Variants in SWAP70 observed in about 807,000 individuals in gnomAD.
The protein encoded by SWAP70 is switching B cell complex subunit SWAP70, also known as switch-associated protein 70.
A neutral mutation model predicts 80.2 loss-of-function variants in SWAP70; 34 were observed. The ratio of observed to expected loss-of-function variants is 0.42; its 90% CI spans 0.32 to 0.56. The LOEUF (loss-of-function observed/expected upper bound fraction) is 0.56. SWAP70 is among the 20% of genes least tolerant of loss of function. The pLI, the probability that SWAP70 is intolerant of heterozygous loss-of-function variation, is 0.09. For synonymous variants in SWAP70, 239 were observed against 238.5 expected (o/e 1.00, Z -0.02); for missense variants, 578 against 690.7 (o/e 0.84, Z 1.83).
intron 3 of SWAP70, among the ~76,000 whole-genome samples, chr11:9,714,308 G>A (rs1453706591): frequency 6.6e-6 from 1 of 152,084 alleles, no homozygotes; most frequent in East Asian, 1.9e-4. Context: ...CCTTAACCTT[G>A]GACAAATTAT....
rs1851251183 is a variant in SWAP70 at position 9,728,197 on chromosome 11, G to C, written c.787G>C (p.Glu263Gln). The C allele has an allele frequency of 1.4e-5, 22 of 1,605,212 alleles. No individual in the cohort carries two copies. Among genetic ancestry groups the C allele is most frequent in the Non-Finnish European group, 1.9e-5 (22 of 1,177,008 alleles). Residue 263 changes from glutamate to glutamine, a missense_variant and splice_region_variant, in exon 5 of 12, where the codon GAG (glutamate) becomes CAG (glutamine). Transcript: ENST00000318950. ...TCTCTTGGATGAAAATTGCTGTGTA[G>C]AGGTGAGTCTACTCTTACTTCTTTG... ...DILLDENCCV[E>Q]SLPDKDGKKC...
intron 1 of SWAP70, among the ~76,000 whole-genome samples, chr11:9,684,290 C>T (rs767214490): frequency 5.3e-5 from 8 of 152,084 alleles, no homozygotes; most frequent in African/African-American, 1.2e-4. Flanking sequence ...TTATGTTGCC[C>T]GGGCTGGTCC....
intron 1 of SWAP70, among the ~76,000 whole-genome samples, chr11:9,682,239 A>T (rs528397902): frequency 4.6e-5 from 7 of 152,300 alleles, no homozygotes; most frequent in African/African-American, 1.7e-4. Flanking sequence ...CCTGAAGGTG[A>T]CAGAGCGGCT....
At chr11:9,678,163 G>C (rs1850523876) in intron 1 of SWAP70, among the ~76,000 whole-genome samples, 1 of 152,136 alleles carries the variant, frequency 6.6e-6, no homozygotes, top group Non-Finnish European at 1.5e-5. Context: ...TTGTGTTTCT[G>C]CTAACCTCTA....
intron 1 of SWAP70, among the ~76,000 whole-genome samples, chr11:9,669,914 G>A (rs1455841885): frequency 1.3e-5 from 2 of 152,106 alleles, no homozygotes; most frequent in Non-Finnish European, 2.9e-5. Context: ...GATCATCTGA[G>A]GTCAGGAGTT....
At position 9,664,592 on chromosome 11, in the gene SWAP70, C is replaced by CG. The variant is rs569973925; in HGVS notation, c.99+320dup. On this transcript the variant is annotated intron_variant, in intron 1 of 11. Transcript: ENST00000318950. ...GTGATTCCTTCTTGGCGTTGGAGAG[C>CG]GGGGGGCAGAAAGTGGATTCTGAGG... Among the ~76,000 whole-genome samples, 709 of 152,262 alleles carry CG rather than the reference C, an allele frequency of 4.7e-3. 10 individuals carry two copies. The South Asian group carries it at 0.054, about 12-fold the overall frequency.
chr11:9,680,657 C>A (rs917691518), intron 1 of SWAP70, among the ~76,000 whole-genome samples: 1 of 152,142 alleles, frequency 6.6e-6, no homozygotes, highest in African/African-American at 2.4e-5. Context: ...CTCAGGTGAT[C>A]CACCCGCCAC....
intron 2 of SWAP70, among the ~76,000 whole-genome samples, chr11:9,711,358 C>T (rs1315581572): frequency 3.3e-5 from 5 of 152,260 alleles, no homozygotes; most frequent in Non-Finnish European, 4.4e-5. Context: ...GCTTGTCTTT[C>T]ACTGTGTCCC....
intron 8 of SWAP70, 112 bp from the exon 9 acceptor site, chr11:9,740,069 G>A (rs965332448): frequency 1.6e-5 from 14 of 891,908 alleles, no homozygotes; most frequent in Non-Finnish European, 2.1e-5. Flanking sequence ...ACAGGGTCCT[G>A]CCACCCTGAT....
chr11:9,736,040 A>G (rs1851359283), intron 7 of SWAP70, among the ~76,000 whole-genome samples: 1 of 151,434 alleles, frequency 6.6e-6, no homozygotes, highest in African/African-American at 2.4e-5. Flanking sequence ...GGCTGTGTTC[A>G]TTTTTCTTCT....
At chr11:9,738,053 G>A (rs1851385612) in intron 7 of SWAP70, among the ~76,000 whole-genome samples, 160 bp from the exon 8 acceptor site, 2 of 152,342 alleles carry the variant, frequency 1.3e-5, no homozygotes, top group South Asian at 4.1e-4. Flanking sequence ...CAGATCGTTA[G>A]ACTGGAATTC....
chr11:9,723,528 G>T (rs441965), intron 3 of SWAP70, among the ~76,000 whole-genome samples: 49,437 of 151,648 alleles, frequency 0.33, 8,229 homozygotes, highest in Non-Finnish European at 0.35. Context: ...GGTTTGATGT[G>T]GGGGTTGGGG....
intron 2 of SWAP70, among the ~76,000 whole-genome samples, chr11:9,697,685 C>A (rs1454793164): frequency 1.3e-5 from 2 of 152,154 alleles, no homozygotes; most frequent in African/African-American, 4.8e-5. Context: ...GTATCTATAT[C>A]TTTTATTCCA....
At chr11:9,674,910 A>T (rs1293494361) in intron 1 of SWAP70, among the ~76,000 whole-genome samples, 1 of 151,774 alleles carries the variant, frequency 6.6e-6, no homozygotes, top group Non-Finnish European at 1.5e-5. Flanking sequence ...CAGAGCTTGC[A>T]GTGAGCGGAG....
chr11:9,735,104 C>A (rs1411766235), intron 7 of SWAP70, among the ~76,000 whole-genome samples: 2 of 152,010 alleles, frequency 1.3e-5, no homozygotes, highest in Non-Finnish European at 2.9e-5. Context: ...AAAATATAAT[C>A]ATTTGGGTAG....
intron 3 of SWAP70, among the ~76,000 whole-genome samples, chr11:9,717,284 C>G (rs144182836): frequency 1.1e-3 from 172 of 152,258 alleles, no homozygotes; most frequent in African/African-American, 3.9e-3. Flanking sequence ...AAAAGAATAT[C>G]CCAGTGGTGG....
At chr11:9,727,871 G>A (rs1339748177) in intron 4 of SWAP70, among the ~76,000 whole-genome samples, 182 bp from the exon 5 acceptor site, 1 of 152,068 alleles carries the variant, frequency 6.6e-6, no homozygotes, top group Non-Finnish European at 1.5e-5. Flanking sequence ...TTTTTGTCTG[G>A]TTATGCTTGC....
At chr11:9,674,292 GA>G (rs1328626279) in intron 1 of SWAP70, among the ~76,000 whole-genome samples, 2 of 152,140 alleles carry the variant, frequency 1.3e-5, no homozygotes, top group African/African-American at 2.4e-5. Flanking sequence ...GACCATGGAT[GA>G]AAACCTATAT....
chr11:9,738,049 G>A (rs547900597), intron 7 of SWAP70, among the ~76,000 whole-genome samples, 164 bp from the exon 8 acceptor site: 2 of 152,212 alleles, frequency 1.3e-5, no homozygotes, highest in Admixed American at 6.5e-5. Context: ...TCAGCAGATC[G>A]TTAGACTGGA....
Sources: allele counts gnomAD v4.1 joint callset (sites outside exome capture counted in the v4.1 genomes callset), GRCh38; gene constraint gnomAD v4.1.1; transcripts MANE v1.5; gene names NCBI Gene and HGNC (gene_info 2026-07-23, HGNC 2026-07-21).